DLGAP2: variants seen among roughly 807,000 people sequenced by gnomAD.
DLGAP2 encodes disks large-associated protein 2.
In DLGAP2, 26 loss-of-function variants were observed where a neutral mutation model predicts 100.3. The ratio of observed to expected loss-of-function variants is 0.26; its 90% CI spans 0.19 to 0.36. The LOEUF (loss-of-function observed/expected upper bound fraction) is 0.36. Among genes scored for constraint, DLGAP2 ranks in the 10% least tolerant of loss-of-function variants. DLGAP2 has a pLI of 1.00. For missense variants in DLGAP2, 1,858 were observed against 1,453.2 expected, an observed-to-expected ratio of 1.28 and a Z score of -4.53; for synonymous variants, 886 against 630.1, an observed-to-expected ratio of 1.41 and a Z score of -6.08.
chr8:1,028,201 A>C (rs868732797), intron 2 of DLGAP2, among the ~76,000 whole-genome samples: 4 of 42,208 alleles, frequency 9.5e-5, no homozygotes, highest in South Asian at 7.1e-4. Context: ...CCAGGCGCCC[A>C]TTATTCTCCA....
At chr8:907,534 A>G (rs567993743) in intron 1 of DLGAP2, among the ~76,000 whole-genome samples, 3 of 152,304 alleles carry the variant, frequency 2.0e-5, no homozygotes, top group South Asian at 2.1e-4. Context: ...ACAGCCCTCC[A>G]TTTCCAGGCT....
At chr8:954,872 G>C (rs1321364319) in intron 2 of DLGAP2, among the ~76,000 whole-genome samples, 1 of 152,148 alleles carries the variant, frequency 6.6e-6, no homozygotes, top group Non-Finnish European at 1.5e-5. Flanking sequence ...TAGATGTATA[G>C]GTGTTAGTTT....
At chr8:1,630,689 G>A (rs762574366) in intron 7 of DLGAP2, among the ~76,000 whole-genome samples, 10 of 151,198 alleles carry the variant, frequency 6.6e-5, no homozygotes, top group East Asian at 2.0e-4. Flanking sequence ...GCGACAGAGC[G>A]AGACTCCATC....
chr8:1,414,211 T>C (rs28380584), intron 3 of DLGAP2, among the ~76,000 whole-genome samples: 9,137 of 152,248 alleles, frequency 0.06, 538 homozygotes, highest in East Asian at 0.25. Flanking sequence ...TCTGAGAAAG[T>C]GCTAAAGCTG....
chr8:1,140,889 C>T (rs541996990), intron 2 of DLGAP2, among the ~76,000 whole-genome samples: 5 of 152,162 alleles, frequency 3.3e-5, no homozygotes, highest in South Asian at 2.1e-4. Context: ...GGAGAATCGG[C>T]AGAAAAATCG....
chr8:1,131,423 G>T (rs977559648), intron 2 of DLGAP2, among the ~76,000 whole-genome samples: 3 of 152,184 alleles, frequency 2.0e-5, no homozygotes, highest in Non-Finnish European at 2.9e-5. Context: ...TTCTCACTCT[G>T]TGCTCATGTA....
chr8:1,473,696 A>G (rs966406467), intron 3 of DLGAP2, among the ~76,000 whole-genome samples: 8 of 152,030 alleles, frequency 5.3e-5, no homozygotes, highest in Non-Finnish European at 1.0e-4. Context: ...CATAATCTCC[A>G]CTGTTGTGGG....
intron 1 of DLGAP2, among the ~76,000 whole-genome samples, chr8:876,857 C>T (rs1797694900): frequency 6.6e-6 from 1 of 152,158 alleles, no homozygotes; most frequent in Admixed American, 6.5e-5. Context: ...TGCAGAACAT[C>T]TATGGATCTG....
At chr8:1,032,268 G>T (rs1334855842) in intron 2 of DLGAP2, among the ~76,000 whole-genome samples, 1 of 152,210 alleles carries the variant, frequency 6.6e-6, no homozygotes, top group African/African-American at 2.4e-5. Context: ...CTCTGCTGTG[G>T]AGGCAGTGGG....
At chr8:944,025 C>T (rs1420015390) in intron 2 of DLGAP2, among the ~76,000 whole-genome samples, 1 of 152,226 alleles carries the variant, frequency 6.6e-6, no homozygotes, top group African/African-American at 2.4e-5. Context: ...GCTTTGTTTT[C>T]ACAAATCTGT....
intron 3 of DLGAP2, among the ~76,000 whole-genome samples, chr8:1,307,946 C>T (rs1800528301): frequency 6.6e-6 from 1 of 150,504 alleles, no homozygotes; most frequent in Non-Finnish European, 1.5e-5. Flanking sequence ...GACAATGGCA[C>T]AATGGTGTGA....
intron 1 of DLGAP2, among the ~76,000 whole-genome samples, chr8:771,305 T>C (rs556618079): frequency 1.3e-5 from 2 of 152,350 alleles, no homozygotes; most frequent in African/African-American, 4.8e-5. Context: ...CAGAGGCATT[T>C]TGTAAAAGGA....
Position 1,189,237 on chromosome 8 carries a change from G to T in DLGAP2, c.74-69614G>T, listed in dbSNP as rs970819226. Among the ~76,000 whole-genome samples, 5 of 146,890 alleles carry T rather than the reference G, an allele frequency of 3.4e-5. 1 individual carries two copies. Among genetic ancestry groups the T allele is most frequent in the African/African-American group, 1.4e-4 (5 of 36,902 alleles). ...GGCCCCAGGCCGGTTCCGCGGTTGG[G>T]GTTGAGCATACACAGGGTTCGGGCC... is the stretch of plus-strand genomic sequence containing the variant. On this transcript the variant is annotated intron_variant, in intron 2 of 14. Transcript: ENST00000637795.
intron 2 of DLGAP2, among the ~76,000 whole-genome samples, chr8:943,601 C>T (rs113219116): frequency 7.3e-5 from 11 of 149,980 alleles, no homozygotes; most frequent in South Asian, 6.4e-4. Context: ...GCTCTGTACA[C>T]GATCATGTGG....
chr8:1,289,388 A>C (rs192583884), intron 3 of DLGAP2, among the ~76,000 whole-genome samples: 13 of 152,304 alleles, frequency 8.5e-5, no homozygotes, highest in African/African-American at 2.4e-4. Flanking sequence ...TTGCCACCTC[A>C]ATTCCACTGT....
At chr8:1,143,264 C>T (rs899955361) in intron 2 of DLGAP2, among the ~76,000 whole-genome samples, 53 of 152,178 alleles carry the variant, frequency 3.5e-4, no homozygotes, top group Admixed American at 3.3e-3. Context: ...CACAAACTGA[C>T]GTGAATGACG....
intron 1 of DLGAP2, among the ~76,000 whole-genome samples, chr8:822,787 A>G (rs1796607976): frequency 1.3e-5 from 2 of 152,126 alleles, no homozygotes; most frequent in Non-Finnish European, 2.9e-5. Flanking sequence ...CCTTCGGACA[A>G]CAGCATCCTG....
intron 4 of DLGAP2, among the ~76,000 whole-genome samples, chr8:1,532,770 T>G (rs1168220520): frequency 6.6e-6 from 1 of 152,238 alleles, no homozygotes; most frequent in Non-Finnish European, 1.5e-5. Flanking sequence ...CTCTGCTTTC[T>G]ACTGACGTCA....
intron 1 of DLGAP2, among the ~76,000 whole-genome samples, chr8:898,918 G>A (rs1327225787): frequency 6.6e-6 from 1 of 152,216 alleles, no homozygotes; most frequent in South Asian, 2.1e-4. Flanking sequence ...CACCAGCAGC[G>A]CCGACAGTTC....
Sources: allele counts gnomAD v4.1 joint callset (sites outside exome capture counted in the v4.1 genomes callset), GRCh38; gene constraint gnomAD v4.1.1; transcripts MANE v1.5; gene names NCBI Gene and HGNC (gene_info 2026-07-23, HGNC 2026-07-21).